LSAMP: variants seen among roughly 807,000 people sequenced by gnomAD.
LSAMP encodes limbic system-associated membrane protein.
In LSAMP, 7 loss-of-function variants were observed where a neutral mutation model predicts 38.6. That is an observed-to-expected ratio of 0.18 (90% confidence interval 0.10 to 0.34). The LOEUF (loss-of-function observed/expected upper bound fraction) is 0.34, where lower values mean the gene tolerates loss of function less well. Among genes scored for constraint, LSAMP ranks in the 10% least tolerant of loss-of-function variants. LSAMP has a pLI of 1.00. For synonymous variants in LSAMP, 154 were observed against 166.8 expected, an observed-to-expected ratio of 0.92 and a Z score of 0.59; for missense variants, 313 against 420.0, an observed-to-expected ratio of 0.75 and a Z score of 2.23.
chr3:116,161,235 T>C (rs776412997), intron 1 of LSAMP, among the ~76,000 whole-genome samples: 88 of 152,176 alleles, frequency 5.8e-4, no homozygotes, highest in Admixed American at 3.3e-4. Flanking sequence ...AGAGAAGCTA[T>C]ACATATCTCC....
intron 1 of LSAMP, among the ~76,000 whole-genome samples, chr3:116,403,441 T>C (rs549890103): frequency 4.5e-4 from 69 of 152,226 alleles, no homozygotes; most frequent in African/African-American, 1.5e-3. Context: ...ATACTACTGA[T>C]GGTAGATTAA....
intron 1 of LSAMP, among the ~76,000 whole-genome samples, chr3:116,386,188 A>T (rs545247106): frequency 2.2e-4 from 33 of 152,224 alleles, no homozygotes; most frequent in Middle Eastern, 3.4e-3. Context: ...CAATAACACA[A>T]TGGTTAAGAT....
chr3:115,961,522 G>A (rs1002338287), intron 3 of LSAMP, among the ~76,000 whole-genome samples: 3 of 152,188 alleles, frequency 2.0e-5, no homozygotes, highest in African/African-American at 7.2e-5. Context: ...CACCACTAGG[G>A]AAGCTGATCT....
chr3:116,065,183 GTT>G (rs1707393234), intron 2 of LSAMP, among the ~76,000 whole-genome samples: 1 of 152,154 alleles, frequency 6.6e-6, no homozygotes, highest in African/African-American at 2.4e-5. Context: ...CTAGCAAAGG[GTT>G]CTACGAATAG....
At chr3:116,000,929 G>A (rs1034237733) in intron 3 of LSAMP, among the ~76,000 whole-genome samples, 2 of 152,128 alleles carry the variant, frequency 1.3e-5, no homozygotes, top group Admixed American at 1.3e-4. Context: ...TTGTCATGGT[G>A]TTTCAAAGCA....
chr3:116,183,003 A>G (rs1369868765), intron 1 of LSAMP, among the ~76,000 whole-genome samples: 1 of 151,892 alleles, frequency 6.6e-6, no homozygotes, highest in Non-Finnish European at 1.5e-5. Context: ...CATAACATGT[A>G]ATAAATATTC....
At chr3:115,973,446 A>G (rs1939080271) in intron 3 of LSAMP, among the ~76,000 whole-genome samples, 1 of 152,282 alleles carries the variant, frequency 6.6e-6, no homozygotes, top group Middle Eastern at 3.4e-3. Flanking sequence ...AAATTAATTT[A>G]TGTTGGCCAG....
At chr3:115,893,292 A>G (rs1430280253) in intron 3 of LSAMP, among the ~76,000 whole-genome samples, 2 of 151,974 alleles carry the variant, frequency 1.3e-5, no homozygotes, top group Non-Finnish European at 2.9e-5. Flanking sequence ...AACCTAAAGT[A>G]TAATAAAGAA....
At chr3:116,395,505 T>C (rs543529310) in intron 1 of LSAMP, among the ~76,000 whole-genome samples, 1 of 152,342 alleles carries the variant, frequency 6.6e-6, no homozygotes, top group East Asian at 1.9e-4. Context: ...TCCGGCTGTC[T>C]GGGTGCAGAT....
chr3:116,366,508 T>G (rs1464362228), intron 1 of LSAMP, among the ~76,000 whole-genome samples: 1 of 152,176 alleles, frequency 6.6e-6, no homozygotes, highest in East Asian at 1.9e-4. Context: ...TTTGTGCCAC[T>G]CAGGGTCACT....
intron 1 of LSAMP, among the ~76,000 whole-genome samples, chr3:116,279,123 C>T (rs992490586): frequency 3.9e-5 from 6 of 152,060 alleles, no homozygotes; most frequent in African/African-American, 1.2e-4. Context: ...TTTTTCAATC[C>T]TACATTTTAA....
rs1576410144 is a variant in LSAMP, at chr3:116,172,546, G to A, written c.156-85990C>T. On this transcript the variant is annotated intron_variant, in intron 1 of 6. Transcript: ENST00000490035. ...CATAAAAAATGCAGTAGGGACAAAG[G>A]CAACTTCAAACCTAGATTTAAGAGC... 2.0e-5 allele frequency among the ~76,000 whole-genome samples: 3 copies of A among 151,964 alleles called. No individual in the cohort carries two copies. The East Asian group carries it at 5.8e-4, about 29-fold the overall frequency.
At position 116,240,232 on chromosome 3, in the gene LSAMP, C is replaced by A. The variant is rs146429282; in HGVS notation, c.156-153676G>T. Among the ~76,000 whole-genome samples, 616 of 152,286 alleles carry A rather than the reference C, an allele frequency of 4.0e-3. 6 individuals carry two copies. The highest frequency in any genetic ancestry group is 0.014 in the African/African-American group (588 of 41,568). The stretch of plus-strand genomic sequence containing the variant: ...TTGATTTGACAAAAATGATATCTAT[C>A]ATGCATGCTATTTATGAGATCTATG... On this transcript the variant is annotated intron_variant, in intron 1 of 6. Transcript: ENST00000490035.
At chr3:116,237,763 C>A (rs1201707928) in intron 1 of LSAMP, among the ~76,000 whole-genome samples, 2 of 152,180 alleles carry the variant, frequency 1.3e-5, no homozygotes, top group Non-Finnish European at 2.9e-5. Context: ...ACACGCCATT[C>A]AACTCTGAAG....
chr3:116,115,842 TG>T (rs1267805019), intron 1 of LSAMP, among the ~76,000 whole-genome samples: 1 of 152,092 alleles, frequency 6.6e-6, no homozygotes, highest in Non-Finnish European at 1.5e-5. Flanking sequence ...TGTTGTTTTT[TG>T]TTTCTTTTTT....
In LSAMP at chr3:115,803,920, T is replaced by C. The variant is rs897344863; in HGVS notation, c.*6397A>G. Reference sequence around the variant, plus strand: ...TGACAGAAAACTAATGTTTCCTTTCTTATGCACAATGTCCTCATTTGTTAC... The same window carrying C: ...TGACAGAAAACTAATGTTTCCTTTCCTATGCACAATGTCCTCATTTGTTAC... On this transcript the variant is annotated 3_prime_UTR_variant, in exon 7 of 7. Transcript: ENST00000490035. 6.6e-6 allele frequency: 1 copy of C among 152,248 alleles called. No homozygotes were observed. The highest frequency in any genetic ancestry group is 2.4e-5 in the African/African-American group (1 of 41,460). The allele number at this position is 152,248 out of a possible 1,614,324, so 9.4% of individuals were successfully genotyped here.
At chr3:116,079,631 C>CAAAAAA (rs34038261) in intron 2 of LSAMP, among the ~76,000 whole-genome samples, 3 of 86,112 alleles carry the variant, frequency 3.5e-5, no homozygotes, top group East Asian at 3.6e-4. Context: ...GACTCTGTCT[C>CAAAAAA]AAAAAAAAAA....
intron 1 of LSAMP, among the ~76,000 whole-genome samples, chr3:116,209,136 G>A (rs907381663): frequency 8.1e-4 from 124 of 152,334 alleles, no homozygotes; most frequent in African/African-American, 2.5e-3. Flanking sequence ...GAAAAGCGCA[G>A]TATTCGGGTG....
At chr3:115,876,183 T>C (rs1176617716) in intron 3 of LSAMP, among the ~76,000 whole-genome samples, 1 of 151,166 alleles carries the variant, frequency 6.6e-6, no homozygotes, top group African/African-American at 2.4e-5. Flanking sequence ...ATTAGTCCTG[T>C]AGAGGATTTC....
Sources: allele counts gnomAD v4.1 joint callset (sites outside exome capture counted in the v4.1 genomes callset), GRCh38; gene constraint gnomAD v4.1.1; transcripts MANE v1.5; gene names NCBI Gene and HGNC (gene_info 2026-07-23, HGNC 2026-07-21).